The following CTIF variants were observed in gnomAD, a reference collection of about 807,000 sequenced individuals.
The protein encoded by CTIF is cap binding complex dependent translation initiation factor.
Under a neutral mutation model 66.0 loss-of-function variants are expected in CTIF, and 21 were observed. The ratio of observed to expected loss-of-function variants is 0.32; its 90% CI spans 0.23 to 0.46. The LOEUF is 0.46. Among genes scored for constraint, CTIF ranks in the 20% least tolerant of loss-of-function variants. CTIF has a pLI of 1.00. For missense variants in CTIF, 739 were observed against 812.7 expected (o/e 0.91, Z 1.10); for synonymous variants, 345 against 326.4 (o/e 1.06, Z -0.62).
chr18:48,780,778 G>A (rs1208862924), intron 9 of CTIF, among the ~76,000 whole-genome samples: 2 of 152,220 alleles, frequency 1.3e-5, no homozygotes, highest in Admixed American at 1.3e-4. Context: ...GGGGCAAGAT[G>A]GCCAGAGGCC....
intron 9 of CTIF, among the ~76,000 whole-genome samples, chr18:48,816,478 G>A (rs910563048): frequency 6.6e-6 from 1 of 152,122 alleles, no homozygotes; most frequent in African/African-American, 2.4e-5. Flanking sequence ...TTGAGCACTG[G>A]TATGACTGTG....
chr18:48,583,717 C>T (rs1361318839), intron 1 of CTIF, among the ~76,000 whole-genome samples: 3 of 152,190 alleles, frequency 2.0e-5, no homozygotes, highest in Non-Finnish European at 4.4e-5. Context: ...GAGGTGCCAA[C>T]AACTGGGCAG....
intron 1 of CTIF, among the ~76,000 whole-genome samples, chr18:48,617,457 A>G (rs1402595422): frequency 1.3e-5 from 2 of 152,206 alleles, no homozygotes. Flanking sequence ...GAGAGGGTGT[A>G]TACCCATGAC....
intron 3 of CTIF, among the ~76,000 whole-genome samples, chr18:48,648,992 G>A (rs2144747178): frequency 1.3e-5 from 2 of 152,324 alleles, no homozygotes; most frequent in East Asian, 3.9e-4. Context: ...CCCATTCCAA[G>A]ATGGCCAAAT....
chr18:48,749,298 G>A (rs1907562322), intron 7 of CTIF, among the ~76,000 whole-genome samples: 1 of 152,196 alleles, frequency 6.6e-6, no homozygotes, highest in South Asian at 2.1e-4. Flanking sequence ...TTTGGGCTGG[G>A]GATAAAGGAA....
chr18:48,589,131 A>G (rs900725258), intron 1 of CTIF, among the ~76,000 whole-genome samples: 10 of 152,264 alleles, frequency 6.6e-5, no homozygotes, highest in East Asian at 1.9e-4. Context: ...GCCTGCGTGT[A>G]TGAGTTTCCC....
intron 9 of CTIF, among the ~76,000 whole-genome samples, chr18:48,765,708 A>G (rs927166527): frequency 3.3e-5 from 5 of 152,300 alleles, no homozygotes; most frequent in Admixed American, 6.5e-5. Flanking sequence ...CAACACTGCT[A>G]TCTCAAGGAA....
intron 3 of CTIF, among the ~76,000 whole-genome samples, chr18:48,642,950 A>G (rs2090961622): frequency 6.6e-6 from 1 of 152,204 alleles, no homozygotes; most frequent in Admixed American, 6.6e-5. Context: ...AGAACGGGTC[A>G]TGTGGCCTCA....
chr18:48,547,959 C>CT (rs2088793282), intron 1 of CTIF, among the ~76,000 whole-genome samples: 1 of 152,158 alleles, frequency 6.6e-6, no homozygotes, highest in South Asian at 2.1e-4. Flanking sequence ...AAGTAAGTAA[C>CT]TTGGGAATCC....
At chr18:48,769,656 A>G (rs1909913511) in intron 9 of CTIF, among the ~76,000 whole-genome samples, 1 of 152,250 alleles carries the variant, frequency 6.6e-6, no homozygotes, top group African/African-American at 2.4e-5. Context: ...GGAAGAGCCA[A>G]TGCCTGACTC....
chr18:48,819,655 C>T (rs148588319), intron 10 of CTIF, among the ~76,000 whole-genome samples: 97 of 152,342 alleles, frequency 6.4e-4, no homozygotes, highest in East Asian at 3.5e-3. Flanking sequence ...TTCAAATTTT[C>T]GGGCCAGTTT....
chr18:48,846,849 G>A (rs1395279667), intron 10 of CTIF, among the ~76,000 whole-genome samples: 1 of 152,018 alleles, frequency 6.6e-6, no homozygotes, highest in East Asian at 1.9e-4. Context: ...AAGAATGGAT[G>A]GGTGGATGGA....
intron 1 of CTIF, among the ~76,000 whole-genome samples, chr18:48,615,504 G>C (rs1035239248): frequency 6.6e-6 from 1 of 152,222 alleles, no homozygotes; most frequent in African/African-American, 2.4e-5. Context: ...TGAAATCCCT[G>C]GGAGAGAGTG....
chr18:48,681,080 C>T (rs796244416), intron 6 of CTIF, among the ~76,000 whole-genome samples: 25 of 152,312 alleles, frequency 1.6e-4, no homozygotes, highest in African/African-American at 5.1e-4. Flanking sequence ...GGCTGGAAGG[C>T]GTTTTTCCAG....
rs2090847560 is a variant in CTIF, at chr18:48,637,595, C to T, written c.252+910C>T. On this transcript the variant is annotated intron_variant, in intron 3 of 11. Transcript: ENST00000256413. ...CAGCTTCAGTCCACTTAATCATGTT[C>T]AGCTTCGGTCTCCTGGCAGATTCAC... is the stretch of plus-strand genomic sequence containing the variant. Among the ~76,000 whole-genome samples, 5 of 152,138 alleles carry T rather than the reference C, an allele frequency of 3.3e-5. No homozygotes were observed. In the South Asian group the frequency reaches 8.3e-4, roughly 25 times the overall value.
At chr18:48,681,720 C>A (rs2091745863) in intron 6 of CTIF, among the ~76,000 whole-genome samples, 1 of 152,178 alleles carries the variant, frequency 6.6e-6, no homozygotes, top group South Asian at 2.1e-4. Flanking sequence ...GCACCAGTTG[C>A]CTTCAGTGTC....
intron 1 of CTIF, among the ~76,000 whole-genome samples, chr18:48,589,487 T>C (rs1014692515): frequency 3.3e-5 from 5 of 152,214 alleles, no homozygotes; most frequent in African/African-American, 1.2e-4. Flanking sequence ...CTTGTTTACA[T>C]CTATAAAGAC....
Position 48,759,674 on chromosome 18 carries a change from G to A in CTIF, c.1071+1269G>A, listed in dbSNP as rs532735776. 9.8e-5 allele frequency among the ~76,000 whole-genome samples: 15 copies of A among 152,338 alleles called. No individual in the cohort carries two copies. In the East Asian group the frequency reaches 2.9e-3, roughly 29 times the overall value. On this transcript the variant is annotated intron_variant, in intron 8 of 11. Coordinates refer to ENST00000256413, the MANE Select transcript of CTIF (RefSeq NM_014772.3). ...AATGGGTGTTAATACTACACACCTT[G>A]CTGAGAGACTGTGAAGGTTAAATGA... is the stretch of plus-strand genomic sequence containing the variant.
rs1022292118 is a variant in CTIF at position 48,588,943 on chromosome 18, C to G, written c.-28-30595C>G. ...GGCACCGGACTTTTCCCTTTCCCCT[C>G]CCTCTCTACATGTACCCGGCGCCCC... On this transcript the variant is annotated intron_variant, in intron 1 of 11. Coordinates refer to ENST00000256413, the MANE Select transcript of CTIF (RefSeq NM_014772.3). Among the ~76,000 whole-genome samples the G allele has an allele frequency of 3.7e-4, 57 of 152,292 alleles. 1 individual carries two copies. Among genetic ancestry groups the G allele is most frequent in the Admixed American group, 3.5e-3 (54 of 15,298 alleles).
Sources: allele counts gnomAD v4.1 joint callset (sites outside exome capture counted in the v4.1 genomes callset), GRCh38; gene constraint gnomAD v4.1.1; transcripts MANE v1.5; gene names NCBI Gene and HGNC (gene_info 2026-07-23, HGNC 2026-07-21).